Variants in SSR3 observed in about 807,000 individuals in gnomAD.
SSR3 encodes the protein signal sequence receptor subunit 3.
SSR3 carries 10 observed loss-of-function variants against 22.1 expected under a neutral mutation model. The ratio of observed to expected loss-of-function variants is 0.45; its 90% CI spans 0.28 to 0.77. SSR3 has a LOEUF of 0.77. Ranked by LOEUF, SSR3 falls within the 30% of genes least tolerant of loss-of-function variation. The pLI, the probability that SSR3 is intolerant of heterozygous loss-of-function variation, is 0.13. For missense variants in SSR3, 181 were observed against 220.5 expected, an observed-to-expected ratio of 0.82 and a Z score of 1.13; for synonymous variants, 104 against 82.5, an observed-to-expected ratio of 1.26 and a Z score of -1.42.
intron 3 of SSR3, among the ~76,000 whole-genome samples, chr3:156,545,632 A>C (rs1369999234): frequency 6.6e-6 from 1 of 152,228 alleles, no homozygotes; most frequent in East Asian, 1.9e-4. Flanking sequence ...TGCTCATCTT[A>C]AGAAATCTGT....
chr3:156,542,833 CAG>C lies in SSR3; in HGVS notation c.*368_*369del. 5.2e-6 allele frequency: 1 copy of C among 193,166 alleles called. No individual in the cohort carries two copies. Among genetic ancestry groups the C allele is most frequent in the Non-Finnish European group, 1.0e-5 (1 of 95,532 alleles). 12.0% of individuals were successfully genotyped at this position (193,166 alleles called of 1,614,324 possible). ...AAGTTGTAATATTGTGCTTGGAACA[CAG>C]AGAACCAGTTATTAACTTCCTACTA... On this transcript the variant is annotated 3_prime_UTR_variant, in exon 5 of 5. Coordinates refer to ENST00000265044, the MANE Select transcript of SSR3 (RefSeq NM_007107.5).
intron 1 of SSR3, chr3:156,554,703 C>T (rs185753163): frequency 1.1e-4 from 53 of 502,484 alleles, no homozygotes; most frequent in African/African-American, 1.0e-3. Flanking sequence ...AGTTAACCAC[C>T]TTCTCCTGGG....
chr3:156,546,507 G>A (rs184482843), intron 3 of SSR3, among the ~76,000 whole-genome samples: 5 of 152,264 alleles, frequency 3.3e-5, no homozygotes, highest in Non-Finnish European at 5.9e-5. Context: ...ATATGACCAC[G>A]TGTTAGTTAC....
In SSR3 at chr3:156,553,790, A is replaced by T. The variant is rs371919967; in HGVS notation, c.134-9T>A. On this transcript the variant is annotated splice_polypyrimidine_tract_variant and intron_variant, in intron 1 of 4. Transcript: ENST00000265044. ...TATTCGCCAGTATAACCCTGAATTA[A>T]AATAAAAGGGGGAAGGGTACAAAAA... 6.6e-5 allele frequency: 105 copies of T among 1,587,164 alleles called. No individual in the cohort carries two copies. Among genetic ancestry groups the T allele is most frequent in the Non-Finnish European group, 8.7e-5 (102 of 1,169,712 alleles).
At chr3:156,549,036 A>C in intron 2 of SSR3, 33 bp from the exon 3 acceptor site, 1 of 1,597,036 alleles carries the variant, frequency 6.3e-7, no homozygotes, top group Non-Finnish European at 8.5e-7. Flanking sequence ...AAAAGTTTCC[A>C]TATGCTACAG....
intron 2 of SSR3, among the ~76,000 whole-genome samples, chr3:156,553,001 T>C (rs544957649): frequency 6.7e-6 from 1 of 149,130 alleles, no homozygotes; most frequent in South Asian, 2.1e-4. Context: ...TACACTTGTA[T>C]GAAAACAAAC....
In SSR3 at chr3:156,544,413, G is replaced by A; in HGVS notation, c.386C>T (p.Ala129Val). 2 of 1,585,774 alleles carry A rather than the reference G, an allele frequency of 1.3e-6. No individual in the cohort carries two copies. Among genetic ancestry groups the A allele is most frequent in the South Asian group, 1.2e-5 (1 of 84,532 alleles). ...ERILWKKNEV[A>V]DYEATTFSIF... ...GGAAAATGTTGTAGCTTCATAATCA[G>A]CAACTTCATTCTTCTTCCACAAGAT... The change falls in exon 4 of 5, where the codon GCT becomes GTT. Residue 129 changes from alanine (A) to valine (V), a missense_variant. Coordinates refer to ENST00000265044, the MANE Select transcript of SSR3 (RefSeq NM_007107.5).
In SSR3 at chr3:156,555,093, G is replaced by C. The variant is rs761722202; in HGVS notation, c.-4C>G. The C allele has an allele frequency of 2.5e-6, 4 of 1,613,044 alleles. No individual in the cohort carries two copies. Among genetic ancestry groups the C allele is most frequent in the Non-Finnish European group, 3.4e-6 (4 of 1,179,826 alleles). ...TGGAGCTGCCTTTAGGAGCCATGGC[G>C]GAGCTGCAGGCGAGAACAGGGAACG... On this transcript the variant is annotated 5_prime_UTR_variant, in exon 1 of 5. Transcript: ENST00000265044.
rs772022457 is a variant in SSR3 at position 156,544,376 on chromosome 3, G to A, written c.423C>T (p.Asn141=). The change falls in exon 4 of 5, where the codon AAC becomes AAT. Residue 141 remains asparagine, a synonymous_variant. Transcript: ENST00000265044. ...YEATTFSIFY[N]NTLFLVVVIV... is the part of the protein sequence containing the mutation. ...TGACCACGACCAGGAACAGAGTGTT[G>A]TTATAGAAGATGGAAAATGTTGTAG... 8.8e-6 allele frequency: 14 copies of A among 1,598,940 alleles called. No individual in the cohort carries two copies. Among genetic ancestry groups the A allele is most frequent in the Middle Eastern group, 1.7e-4 (1 of 6,040 alleles).
chr3:156,544,717 G>A (rs113566563), intron 3 of SSR3, among the ~76,000 whole-genome samples: 43 of 152,230 alleles, frequency 2.8e-4, no homozygotes, highest in African/African-American at 9.4e-4. Flanking sequence ...ATGGCAACCC[G>A]CACGGTTTCA....
At chr3:156,552,303 C>CAAAAAAAAA (rs1234560296) in intron 2 of SSR3, among the ~76,000 whole-genome samples, 1 of 76,628 alleles carries the variant, frequency 1.3e-5, no homozygotes, top group Non-Finnish European at 2.6e-5. Context: ...GAGTCTGTCT[C>CAAAAAAAAA]AAAAAAAAAA....
At chr3:156,544,669 T>C (rs539467943) in intron 3 of SSR3, among the ~76,000 whole-genome samples, 2 of 152,314 alleles carry the variant, frequency 1.3e-5, no homozygotes, top group South Asian at 2.1e-4. Flanking sequence ...TTACCATTTT[T>C]CCCAGGCAAC....
chr3:156,555,098 TG>T lies in SSR3; in HGVS notation c.-10del, dbSNP rs1559946995. On this transcript the variant is annotated 5_prime_UTR_variant, in exon 1 of 5. Coordinates refer to ENST00000265044, the MANE Select transcript of SSR3 (RefSeq NM_007107.5). ...CTGCCTTTAGGAGCCATGGCGGAGC[TG>T]CAGGCGAGAACAGGGAACGTAGAGC... 9 of 1,612,792 alleles carry T rather than the reference TG, an allele frequency of 5.6e-6. No individual in the cohort carries two copies. The highest frequency in any genetic ancestry group is 7.6e-6 in the Non-Finnish European group (9 of 1,179,772).
intron 3 of SSR3, among the ~76,000 whole-genome samples, chr3:156,548,369 C>T (rs937021605): frequency 6.6e-6 from 1 of 152,168 alleles, no homozygotes; most frequent in Non-Finnish European, 1.5e-5. Flanking sequence ...TGGGATATCC[C>T]TCGGGAAGCT....
intron 1 of SSR3, 73 bp downstream of exon 1, chr3:156,554,884 C>T: frequency 6.5e-7 from 1 of 1,545,956 alleles, no homozygotes. Context: ...CCCTGCTCGC[C>T]GGGTCCTGCC....
Position 156,549,019 on chromosome 3 carries a change from A to G in SSR3, c.261-16T>C, listed in dbSNP as rs754067997. 2.6e-5 allele frequency: 41 copies of G among 1,602,146 alleles called. No homozygotes were observed. The highest frequency in any genetic ancestry group is 1.7e-4 in the Middle Eastern group (1 of 6,008). ...CTGTGCTACTCTGGAAGAAAAAGAAAAAAAGAAAAAGTTTCCATATGCTAC... is the reference window on the plus strand; with the variant it reads ...CTGTGCTACTCTGGAAGAAAAAGAAGAAAAGAAAAAGTTTCCATATGCTAC... On this transcript the variant is annotated splice_polypyrimidine_tract_variant and intron_variant, in intron 2 of 4. Coordinates refer to ENST00000265044, the MANE Select transcript of SSR3 (RefSeq NM_007107.5).
Position 156,541,018 on chromosome 3 carries a change from T to C in SSR3, c.*2185A>G, listed in dbSNP as rs1160349281. ...GAAATGTATCTATTAGTACAGAAAG[T>C]TGGAAAACATCAAGATTAAAAACAG... On this transcript the variant is annotated 3_prime_UTR_variant, in exon 5 of 5. Coordinates refer to ENST00000265044, the MANE Select transcript of SSR3 (RefSeq NM_007107.5). 1.3e-5 allele frequency: 2 copies of C among 151,528 alleles called. No homozygotes were observed. Among genetic ancestry groups the C allele is most frequent in the Admixed American group, 6.6e-5 (1 of 15,186 alleles). 9.4% of individuals were successfully genotyped at this position (151,528 alleles called of 1,614,324 possible).
chr3:156,553,763 C>A lies in SSR3; in HGVS notation c.152G>T (p.Trp51Leu). Residue 51 changes from tryptophan to leucine, a missense_variant, in exon 2 of 5, where the codon TGG becomes TTG. Trp to Leu is a moderately conservative substitution (Grantham distance 61). Transcript: ENST00000265044. ...AGCAGACTGAATAAGATCCATATGC[C>A]ATATTCGCCAGTATAACCCTGAATT... ...AIPIWLYWRI[W>L]HMDLIQSAVL... is the part of the protein sequence containing the mutation. 1 of 1,610,062 alleles carries A rather than the reference C, an allele frequency of 6.2e-7. No individual in the cohort carries two copies. Among genetic ancestry groups the A allele is most frequent in the Non-Finnish European group, 8.5e-7 (1 of 1,178,330 alleles).
chr3:156,551,506 T>C (rs992043821), intron 2 of SSR3: 26 of 115,688 alleles, frequency 2.2e-4, no homozygotes, highest in African/African-American at 8.2e-4. Flanking sequence ...TAGCAGCTGG[T>C]TGAGGGGCTG....
Sources: allele counts gnomAD v4.1 joint callset (sites outside exome capture counted in the v4.1 genomes callset), GRCh38; gene constraint gnomAD v4.1.1; transcripts MANE v1.5; gene names NCBI Gene and HGNC (gene_info 2026-07-23, HGNC 2026-07-21).